The following SBNO1 variants were observed in gnomAD, a reference collection of about 807,000 sequenced individuals.
SBNO1 encodes protein strawberry notch homolog 1.
A neutral mutation model predicts 173.6 loss-of-function variants in SBNO1; 23 were observed. That is an observed-to-expected ratio of 0.13 (90% CI 0.10 to 0.19). The LOEUF is 0.19. Among genes scored for constraint, SBNO1 ranks in the 10% least tolerant of loss-of-function variants. SBNO1 has a pLI of 1.00. For synonymous variants in SBNO1, 632 were observed against 571.5 expected, an observed-to-expected ratio of 1.11 and a Z score of -1.51; for missense variants, 1,238 against 1,671.2, an observed-to-expected ratio of 0.74 and a Z score of 4.52.
At chr12:123,321,772 A>C (rs374287750) in intron 16 of SBNO1, 40 bp from the exon 17 acceptor site, 2 of 1,515,180 alleles carry the variant, frequency 1.3e-6, no homozygotes, top group African/African-American at 2.7e-5. Context: ...CCCAAATTCA[A>C]TGTTTCTTAA....
Position 123,348,825 on chromosome 12 carries a change from C to T in SBNO1, c.133-692G>A, listed in dbSNP as rs901149310. 6.6e-5 allele frequency among the ~76,000 whole-genome samples: 10 copies of T among 151,260 alleles called. No homozygotes were observed. In the South Asian group the frequency reaches 1.0e-3, roughly 16 times the overall value. ...AAATAAAAACATTAGCTGGGCTTGG[C>T]GGCGGCCCCCTGTAATCCCAGCTAC... On this transcript the variant is annotated intron_variant, in intron 2 of 31. Coordinates refer to ENST00000602398, the MANE Select transcript of SBNO1 (RefSeq NM_001167856.3).
rs2048574935 is a variant in SBNO1, at chr12:123,295,185, C to CA, written c.*722dup. On this transcript the variant is annotated 3_prime_UTR_variant, in exon 32 of 32. Transcript: ENST00000602398. ...GTATTCATTACCTTGACCAGAAACC[C>CA]AGGGCAGGGAGAAGGGGAAGGAGGG... The CA allele has an allele frequency of 6.6e-6, 1 of 152,040 alleles. No individual in the cohort carries two copies. Among genetic ancestry groups the CA allele is most frequent in the Non-Finnish European group, 1.5e-5 (1 of 68,012 alleles). 9.4% of individuals were successfully genotyped at this position (152,040 alleles called of 1,614,324 possible). A position where few individuals can be genotyped will look rare whatever the true frequency, so the allele number is the denominator to read the frequency against.
In SBNO1 at chr12:123,293,513, C is replaced by T. The variant is rs2048541327; in HGVS notation, c.*2395G>A. 1 of 152,146 alleles carries T rather than the reference C, an allele frequency of 6.6e-6. No individual in the cohort carries two copies. Among genetic ancestry groups the T allele is most frequent in the African/African-American group, 2.4e-5 (1 of 41,426 alleles). The allele number at this position is 152,146 out of a possible 1,614,324, so 9.4% of individuals were successfully genotyped here. Reference sequence around the variant, plus strand: ...TGCAACTCTCTGGGTGCTGCACACACCATGACCAGCCTGGGCATGCAGCAC... The same window carrying T: ...TGCAACTCTCTGGGTGCTGCACACATCATGACCAGCCTGGGCATGCAGCAC... On this transcript the variant is annotated 3_prime_UTR_variant, in exon 32 of 32. Coordinates refer to ENST00000602398, the MANE Select transcript of SBNO1 (RefSeq NM_001167856.3).
chr12:123,332,809 C>A (rs1593378826), intron 7 of SBNO1, among the ~76,000 whole-genome samples: 2 of 152,040 alleles, frequency 1.3e-5, no homozygotes, highest in East Asian at 3.9e-4. Flanking sequence ...TCAGGGTGAC[C>A]CGCCTGCCTC....
In SBNO1 at chr12:123,313,739, C is replaced by T. The variant is rs774242908; in HGVS notation, c.3121-20G>A. ...TCCATACTGCAAAAAAAAATCAAAA[C>T]CTTTAACCAGTTTCAGCATTTGGAT... On this transcript the variant is annotated intron_variant, in intron 23 of 31. Coordinates refer to ENST00000602398, the MANE Select transcript of SBNO1 (RefSeq NM_001167856.3). 1 of 1,436,510 alleles carries T rather than the reference C, an allele frequency of 7.0e-7. No individual in the cohort carries two copies. The highest frequency in any genetic ancestry group is 1.7e-5 in the Admixed American group (1 of 58,492). The allele number at this position is 1,436,510 out of a possible 1,614,324, so 89.0% of individuals were successfully genotyped here.
In SBNO1 at chr12:123,315,427, A is replaced by T. The variant is rs6488868; in HGVS notation, c.3066T>A (p.Gly1022=). 7.4e-6 allele frequency: 12 copies of T among 1,612,516 alleles called. No individual in the cohort carries two copies. In the Admixed American group the frequency reaches 1.3e-4, roughly 18 times the overall value. ...CTCTAGATTCTGTTGCCCTTCTATC[A>T]CCATGTGTAAGTGCCCCCTGTTAAA... ...RLESLGALTH[G]DRRATESRDL... is the part of the protein sequence containing the mutation. Residue 1022 remains glycine, a synonymous_variant, in exon 23 of 32, where the codon GGT becomes GGA. Transcript: ENST00000602398.
chr12:123,315,994 A>G (rs1869209411), intron 21 of SBNO1, among the ~76,000 whole-genome samples: 1 of 152,208 alleles, frequency 6.6e-6, no homozygotes, highest in Non-Finnish European at 1.5e-5. Flanking sequence ...GGAAACACAT[A>G]TAGAAGTAGC....
intron 1 of SBNO1, among the ~76,000 whole-genome samples, chr12:123,362,367 C>T (rs1312210140): frequency 1.7e-5 from 2 of 117,352 alleles, no homozygotes; most frequent in Admixed American, 1.2e-4. Context: ...ACCCGGGAGG[C>T]GGAGCTTGCA....
intron 16 of SBNO1, 78 bp from the exon 17 acceptor site, chr12:123,321,810 A>C: frequency 1.7e-6 from 2 of 1,151,778 alleles, no homozygotes. Context: ...TTAGTTCATG[A>C]ATTAATTCAA....
chr12:123,293,197 A>C lies in SBNO1; in HGVS notation c.*2711T>G, dbSNP rs191036499. 82 of 152,314 alleles carry C rather than the reference A, an allele frequency of 5.4e-4. No homozygotes were observed. Among genetic ancestry groups the C allele is most frequent in the African/African-American group, 1.9e-3 (81 of 41,570 alleles). 9.4% of individuals were successfully genotyped at this position (152,314 alleles called of 1,614,324 possible). On this transcript the variant is annotated 3_prime_UTR_variant, in exon 32 of 32. Transcript: ENST00000602398. ...GGTGTGGCATTTAGATCCTGCAATG[A>C]ATGGACCTATTTTACAGAAGTCAGC... is the stretch of plus-strand genomic sequence containing the variant.
intron 26 of SBNO1, 23 bp from the exon 27 acceptor site, chr12:123,309,606 G>T (rs2049005519): frequency 6.2e-7 from 1 of 1,606,024 alleles, no homozygotes; most frequent in Non-Finnish European, 8.5e-7. Context: ...AAAGAAACAT[G>T]TAAATGTAAA....
chr12:123,310,527 C>G (rs1056959936), intron 25 of SBNO1, among the ~76,000 whole-genome samples: 1 of 150,924 alleles, frequency 6.6e-6, no homozygotes, highest in Non-Finnish European at 1.5e-5. Flanking sequence ...CCACCGCGCC[C>G]GACCAATTTT....
rs377765971 is a variant in SBNO1 at position 123,364,733 on chromosome 12, C to T, written c.-33G>A. ...GCGGGACCCGGCGCCAGCACAGCTC[C>T]TCCCGGGAGGTGTGAGTTTGAAGGA... is the stretch of plus-strand genomic sequence containing the variant. On this transcript the variant is annotated 5_prime_UTR_variant, in exon 1 of 32. Coordinates refer to ENST00000602398, the MANE Select transcript of SBNO1 (RefSeq NM_001167856.3). 8.1e-6 allele frequency: 8 copies of T among 987,308 alleles called. No individual in the cohort carries two copies. In the East Asian group the frequency reaches 3.4e-4, roughly 42 times the overall value. 61.2% of individuals were successfully genotyped at this position (987,308 alleles called of 1,614,324 possible).
intron 3 of SBNO1, among the ~76,000 whole-genome samples, chr12:123,346,951 G>A (rs745381908): frequency 6.6e-5 from 10 of 150,772 alleles, no homozygotes; most frequent in Non-Finnish European, 1.2e-4. Context: ...GGTGGTGGGC[G>A]CCTATAGTCC....
In SBNO1 at chr12:123,317,324, C is replaced by A. The variant is rs762254472; in HGVS notation, c.2832G>T (p.Ser944=). ...NIAIISEAAS[S]GISLQADRRA... Reference sequence around the variant, plus strand: ...TCCTATCTGCTTGTAATGAAATACCCGAGCTGGCAGCTTCTGAGATGATAG... The same window carrying A: ...TCCTATCTGCTTGTAATGAAATACCAGAGCTGGCAGCTTCTGAGATGATAG... Residue 944 remains serine, a synonymous_variant, in exon 21 of 32, where the codon TCG becomes TCT. Transcript: ENST00000602398. 3.7e-6 allele frequency: 6 copies of A among 1,613,776 alleles called. No homozygotes were observed. Among genetic ancestry groups the A allele is most frequent in the Non-Finnish European group, 5.1e-6 (6 of 1,179,868 alleles).
intron 24 of SBNO1, among the ~76,000 whole-genome samples, chr12:123,312,779 C>T (rs1868752689): frequency 6.6e-6 from 1 of 152,008 alleles, no homozygotes; most frequent in Non-Finnish European, 1.5e-5. Flanking sequence ...CACATGTATC[C>T]ATCACCCAGT....
intron 4 of SBNO1, among the ~76,000 whole-genome samples, chr12:123,344,670 G>T (rs1872915576): frequency 6.6e-6 from 1 of 152,104 alleles, no homozygotes; most frequent in South Asian, 2.1e-4. Context: ...CCAACACAGT[G>T]AAACCCCGTC....
chr12:123,361,802 C>T (rs936177763), intron 1 of SBNO1, among the ~76,000 whole-genome samples: 4 of 151,488 alleles, frequency 2.6e-5, no homozygotes, highest in Non-Finnish European at 5.9e-5. Flanking sequence ...AATAGTAGGC[C>T]ACTAACTCAG....
chr12:123,337,561 A>C (rs1871996943), intron 5 of SBNO1, among the ~76,000 whole-genome samples: 1 of 152,224 alleles, frequency 6.6e-6, no homozygotes. Flanking sequence ...AAGGAAAAGA[A>C]GTGGGACATA....
Sources: gnomAD v4.1 joint callset for allele counts (sites outside exome capture counted in the v4.1 genomes callset) on GRCh38, gnomAD v4.1.1 for gene constraint, MANE v1.5 for transcripts, NCBI Gene and HGNC (gene_info 2026-07-23, HGNC 2026-07-21) for gene names.